The following FSIP2 variants were observed in gnomAD, a reference collection of about 807,000 sequenced individuals.
FSIP2 encodes fibrous sheath-interacting protein 2.
In FSIP2, 367 loss-of-function variants were observed where a neutral mutation model predicts 510.5. That is an observed-to-expected ratio of 0.72 (90% CI 0.66 to 0.78). The LOEUF is 0.78. FSIP2 is among the 30% of genes least tolerant of loss of function. FSIP2 has a pLI of 0.00. For synonymous variants in FSIP2, 2,601 were observed against 2,732.2 expected (o/e 0.95, Z 1.50); for missense variants, 7,594 against 7,901.7 (o/e 0.96, Z 1.48).
At chr2:185,769,462 TC>T (rs1692564027) in intron 13 of FSIP2, among the ~76,000 whole-genome samples, 1 of 152,160 alleles carries the variant, frequency 6.6e-6, no homozygotes, top group African/African-American at 2.4e-5. Flanking sequence ...TCCTTTGCCC[TC>T]TTTTTAATGG....
In FSIP2 at chr2:185,807,522, C is replaced by T; in HGVS notation, c.18216C>T (p.Thr6072=). The change falls in exon 17 of 23, where the codon ACC becomes ACT. Residue 6072 remains threonine, a synonymous_variant. Coordinates refer to ENST00000424728, the MANE Select transcript of FSIP2 (RefSeq NM_173651.4). ...ATATGACTATACAGTATGTAGAAAC[C>T]TTACAATCTGATGATGATGAAATTA... ...DKYMTIQYVE[T]LQSDDDEIIQ... is the part of the protein sequence containing the mutation. 6.2e-7 allele frequency: 1 copy of T among 1,610,706 alleles called. No individual in the cohort carries two copies. Among genetic ancestry groups the T allele is most frequent in the Non-Finnish European group, 8.5e-7 (1 of 1,177,922 alleles).
At chr2:185,770,929 A>C (rs1226400178) in intron 13 of FSIP2, among the ~76,000 whole-genome samples, 1 of 152,198 alleles carries the variant, frequency 6.6e-6, no homozygotes, top group Non-Finnish European at 1.5e-5. Context: ...AGAGGGAGAA[A>C]ACAGTCAAAA....
Position 185,793,217 on chromosome 2 carries a change from A to C in FSIP2, c.6081A>C (p.Leu2027Phe). ...ATAAAGAAAGGGAAAATCCTTTTTT[A>C]ACTCATGACATTGGGATTTCTGAAA... ...ELDKERENPF[L>F]THDIGISESI... is the part of the protein sequence containing the mutation. Residue 2027 changes from leucine to phenylalanine, a missense_variant, in exon 16 of 23, where the codon TTA (leucine) becomes TTC (phenylalanine). Leu to Phe is a conservative substitution (Grantham distance 22). Coordinates refer to ENST00000424728, the MANE Select transcript of FSIP2 (RefSeq NM_173651.4). The C allele has an allele frequency of 7.8e-6, 12 of 1,533,616 alleles. No homozygotes were observed. The highest frequency in any genetic ancestry group is 1.0e-5 in the Non-Finnish European group (12 of 1,145,406).
At chr2:185,816,989 G>A (rs1270398626) in intron 19 of FSIP2, among the ~76,000 whole-genome samples, 1 of 141,066 alleles carries the variant, frequency 7.1e-6, no homozygotes. Flanking sequence ...GAAAAGGAAG[G>A]GAAGAAGGGG....
chr2:185,770,367 C>T (rs1692582003), intron 13 of FSIP2, among the ~76,000 whole-genome samples: 1 of 152,032 alleles, frequency 6.6e-6, no homozygotes, highest in Admixed American at 6.6e-5. Flanking sequence ...TGATTTGGCT[C>T]CCAGTAGGCT....
In FSIP2 at chr2:185,808,327, T is replaced by C; in HGVS notation, c.19021T>C (p.Leu6341=). 6.2e-7 allele frequency: 1 copy of C among 1,610,156 alleles called. No individual in the cohort carries two copies. Among genetic ancestry groups the C allele is most frequent in the Non-Finnish European group, 8.5e-7 (1 of 1,178,692 alleles). ...SKEKSSSRKG[L]TLDAKLLEEV... Reference sequence around the variant, plus strand: ...GGAAAAGTCTTCATCCAGAAAAGGTTTGACATTAGATGCCAAACTTTTAGA... The same window carrying C: ...GGAAAAGTCTTCATCCAGAAAAGGTCTGACATTAGATGCCAAACTTTTAGA... Residue 6341 remains leucine (L), a synonymous_variant, in exon 17 of 23, where the codon TTG becomes CTG. Coordinates refer to ENST00000424728, the MANE Select transcript of FSIP2 (RefSeq NM_173651.4).
Position 185,792,718 on chromosome 2 carries a change from A to G in FSIP2, c.5582A>G (p.Glu1861Gly). Residue 1861 changes from glutamate to glycine, a missense_variant, in exon 16 of 23, where the codon GAA (glutamate) becomes GGA (glycine). Glu to Gly is a moderately conservative substitution (Grantham distance 98). Transcript: ENST00000424728. ...FHKLYSAAMT[E>G]RNVRENRYKT... ...AAACTTTATTCAGCTGCCATGACAGAAAGAAATGTAAGGGAAAATAGGTAT... is the reference window on the plus strand; with the variant it reads ...AAACTTTATTCAGCTGCCATGACAGGAAGAAATGTAAGGGAAAATAGGTAT... 6.5e-7 allele frequency: 1 copy of G among 1,534,022 alleles called. No homozygotes were observed. Among genetic ancestry groups the G allele is most frequent in the Non-Finnish European group, 8.7e-7 (1 of 1,145,522 alleles).
rs772371006 is a variant in FSIP2, at chr2:185,803,439, G to A, written c.14133G>A (p.Met4711Ile). 8.5e-6 allele frequency: 13 copies of A among 1,530,314 alleles called. No individual in the cohort carries two copies. The highest frequency in any genetic ancestry group is 8.4e-5 in the South Asian group (7 of 83,288). 94.8% of individuals were successfully genotyped at this position (1,530,314 alleles called of 1,614,324 possible). A position where few individuals can be genotyped will look rare whatever the true frequency, so the allele number is the denominator to read the frequency against. ...GCAAAGTTTTGCAAGAATATGAAAT[G>A]GAAGTCGTGCCCAATAAAGATTTTC... ...VYSKVLQEYE[M>I]EVVPNKDFLN... The change falls in exon 17 of 23, where the codon ATG becomes ATA. Residue 4711 changes from methionine (M) to isoleucine (I), a missense_variant. By Grantham distance (10) the Met-to-Ile change is conservative (BLOSUM62 1). Transcript: ENST00000424728.
intron 21 of FSIP2, among the ~76,000 whole-genome samples, chr2:185,831,553 G>T (rs994546066): frequency 2.4e-4 from 36 of 151,878 alleles, no homozygotes; most frequent in African/African-American, 8.7e-4. Context: ...GAGTTAATAT[G>T]GCTGAACCAT....
Position 185,803,143 on chromosome 2 carries a change from T to C in FSIP2, c.13837T>C (p.Phe4613Leu). 1 of 1,524,748 alleles carries C rather than the reference T, an allele frequency of 6.6e-7. No individual in the cohort carries two copies. The highest frequency in any genetic ancestry group is 8.8e-7 in the Non-Finnish European group (1 of 1,142,652). 94.5% of individuals were successfully genotyped at this position (1,524,748 alleles called of 1,614,324 possible). ...TYFDDERRQL[F>L]YTSVYSSTFL... ...TTTTGATGATGAGAGAAGGCAGTTA[T>C]TTTATACCAGTGTTTACTCTTCAAC... Residue 4613 changes from phenylalanine to leucine, a missense_variant, in exon 17 of 23, where the codon TTT becomes CTT. Phe to Leu is a conservative substitution (Grantham distance 22). Transcript: ENST00000424728.
intron 13 of FSIP2, among the ~76,000 whole-genome samples, chr2:185,771,852 TC>T (rs1692614034): frequency 6.6e-6 from 1 of 152,182 alleles, no homozygotes; most frequent in Admixed American, 6.5e-5. Context: ...ACACTTTGCT[TC>T]CCTTTTAAAT....
At chr2:185,760,026 T>C (rs1692319681) in intron 9 of FSIP2, among the ~76,000 whole-genome samples, 1 of 150,838 alleles carries the variant, frequency 6.6e-6, no homozygotes, top group African/African-American at 2.4e-5. Flanking sequence ...AATTTGTTCC[T>C]TGTATCTATT....
At position 185,800,625 on chromosome 2, in the gene FSIP2, T is replaced by C; in HGVS notation, c.11319T>C (p.Phe3773=). 1 of 1,533,704 alleles carries C rather than the reference T, an allele frequency of 6.5e-7. No homozygotes were observed. The highest frequency in any genetic ancestry group is 1.2e-5 in the South Asian group (1 of 83,762). Residue 3773 remains phenylalanine (F), a synonymous_variant, in exon 17 of 23, where the codon TTT becomes TTC. Transcript: ENST00000424728. ...ILLEECTSTA[F]PDKGSVSEET... Reference sequence around the variant, plus strand: ...TGGAAGAATGCACAAGCACTGCTTTTCCTGATAAAGGGTCTGTTTCAGAGG... The same window carrying C: ...TGGAAGAATGCACAAGCACTGCTTTCCCTGATAAAGGGTCTGTTTCAGAGG...
Position 185,746,560 on chromosome 2 carries a change from C to T in FSIP2, c.618-109C>T, listed in dbSNP as rs1048773995. The T allele has an allele frequency of 3.6e-6, 3 of 827,342 alleles. No individual in the cohort carries two copies. In the African/African-American group the frequency reaches 5.2e-5, roughly 14 times the overall value. 51.3% of individuals were successfully genotyped at this position (827,342 alleles called of 1,614,324 possible). On this transcript the variant is annotated intron_variant, in intron 5 of 22. Transcript: ENST00000424728. ...GAAAAACAGTAAAATTCTTGTAGTT[C>T]AAGAAATGAAAGGCAAGCAAGGAAG...
Position 185,797,466 on chromosome 2 carries a change from C to T in FSIP2, c.10330C>T (p.Leu3444=). ...TGAAATGGGTTCCAATGAAGTTCAT[C>T]TGATAGCAAGACATGTCACCACATC... ...DHEMGSNEVH[L]IARHVTTSVV... is the part of the protein sequence containing the mutation. The change falls in exon 16 of 23, where the codon CTG becomes TTG. Residue 3444 remains leucine, a synonymous_variant. Coordinates refer to ENST00000424728, the MANE Select transcript of FSIP2 (RefSeq NM_173651.4). 2 of 1,525,204 alleles carry T rather than the reference C, an allele frequency of 1.3e-6. No individual in the cohort carries two copies. Among genetic ancestry groups the T allele is most frequent in the Non-Finnish European group, 8.7e-7 (1 of 1,143,700 alleles). 94.5% of individuals were successfully genotyped at this position (1,525,204 alleles called of 1,614,324 possible).
At chr2:185,771,719 C>A (rs1035778845) in intron 13 of FSIP2, among the ~76,000 whole-genome samples, 1 of 152,162 alleles carries the variant, frequency 6.6e-6, no homozygotes, top group African/African-American at 2.4e-5. Context: ...TAACACTTGG[C>A]CCCCTTTTAG....
Position 185,790,276 on chromosome 2 carries a change from G to T in FSIP2, c.3140G>T (p.Arg1047Ile), listed in dbSNP as rs933162021. ...TKGNTCFECK[R>I]NIKPPTKPGS... ...GGAAACACTTGTTTTGAATGCAAAAGAAATATCAAACCACCTACAAAGCCT... is the reference window on the plus strand; with the variant it reads ...GGAAACACTTGTTTTGAATGCAAAATAAATATCAAACCACCTACAAAGCCT... Residue 1047 changes from arginine (R) to isoleucine (I), a missense_variant, in exon 16 of 23, where the codon AGA (arginine) becomes ATA (isoleucine). Transcript: ENST00000424728. The T allele has an allele frequency of 9.8e-6, 15 of 1,533,344 alleles. No homozygotes were observed. The African/African-American group carries it at 1.8e-4, about 18-fold the overall frequency. 95.0% of individuals were successfully genotyped at this position (1,533,344 alleles called of 1,614,324 possible). A position where few individuals can be genotyped will look rare whatever the true frequency, so the allele number is the denominator to read the frequency against.
chr2:185,822,873 T>C (rs549797934), intron 19 of FSIP2, among the ~76,000 whole-genome samples: 2 of 151,924 alleles, frequency 1.3e-5, no homozygotes, highest in South Asian at 4.1e-4. Context: ...AGCAAAGACA[T>C]GGAATAAAGA....
chr2:185,756,433 G>T (rs1337455059), intron 9 of FSIP2, among the ~76,000 whole-genome samples, 155 bp downstream of exon 9: 1 of 151,314 alleles, frequency 6.6e-6, no homozygotes, highest in Non-Finnish European at 1.5e-5. Context: ...GAGCTATGTG[G>T]CCTTTATTGC....
Sources: allele counts gnomAD v4.1 joint callset (sites outside exome capture counted in the v4.1 genomes callset), GRCh38; gene constraint gnomAD v4.1.1; transcripts MANE v1.5; gene names NCBI Gene and HGNC (gene_info 2026-07-23, HGNC 2026-07-21).